MYT1L: variants seen among roughly 807,000 people sequenced by gnomAD.
MYT1L encodes the protein myelin transcription factor 1-like protein.
A neutral mutation model predicts 126.7 loss-of-function variants in MYT1L; 12 were observed. The observed-to-expected ratio is 0.09, with a 90% CI of 0.06 to 0.15. The LOEUF (loss-of-function observed/expected upper bound fraction) is 0.15. Among genes scored for constraint, MYT1L ranks in the 10% least tolerant of loss-of-function variants. The probability of loss-of-function intolerance (pLI) is 1.00; values close to 1 mark genes in which losing one functional copy is unlikely to be tolerated. For missense variants in MYT1L, 979 were observed against 1,585.2 expected (o/e 0.62, Z 6.49); for synonymous variants, 541 against 604.2 (o/e 0.90, Z 1.53).
At chr2:1,933,602 G>T (rs956512248) in intron 9 of MYT1L, among the ~76,000 whole-genome samples, 3 of 152,238 alleles carry the variant, frequency 2.0e-5, no homozygotes, top group African/African-American at 7.2e-5. Context: ...ACAGATCACA[G>T]GAGACTGTGG....
In MYT1L at chr2:2,122,196, A is replaced by G. The variant is rs546095757; in HGVS notation, c.-304+50676T>C. On this transcript the variant is annotated intron_variant, in intron 3 of 24. Transcript: ENST00000647738. The stretch of plus-strand genomic sequence containing the variant: ...CTTTAAGAGTGTGGGCACCGGCTCC[A>G]GACTGTCTGGCTTGGAGTCTGAGTG... Among the ~76,000 whole-genome samples, 4 of 152,316 alleles carry G rather than the reference A, an allele frequency of 2.6e-5. No individual in the cohort carries two copies. In the South Asian group the frequency reaches 8.3e-4, roughly 32 times the overall value.
At chr2:1,828,913 C>T (rs1447275598) in intron 21 of MYT1L, among the ~76,000 whole-genome samples, 1 of 152,184 alleles carries the variant, frequency 6.6e-6, no homozygotes, top group Non-Finnish European at 1.5e-5. Context: ...TCTAAAAATA[C>T]TTGTTTTTCA....
chr2:1,789,958 T>C lies in MYT1L; in HGVS notation c.*1909A>G, dbSNP rs1193282831. 1.3e-5 allele frequency: 2 copies of C among 152,234 alleles called. No homozygotes were observed. The highest frequency in any genetic ancestry group is 4.8e-5 in the African/African-American group (2 of 41,458). 9.4% of individuals were successfully genotyped at this position (152,234 alleles called of 1,614,324 possible). On this transcript the variant is annotated 3_prime_UTR_variant, in exon 25 of 25. Transcript: ENST00000647738. ...GTATAAAGTGCCGCTGGGATATACATATATTTATACACATATATATATACC... is the reference window on the plus strand; with the variant it reads ...GTATAAAGTGCCGCTGGGATATACACATATTTATACACATATATATATACC...
chr2:2,215,469 A>T (rs2093650840), intron 2 of MYT1L, among the ~76,000 whole-genome samples: 1 of 152,232 alleles, frequency 6.6e-6, no homozygotes, highest in Admixed American at 6.5e-5. Context: ...TAAAACAATA[A>T]ATTAATCAAA....
At chr2:2,087,903 T>C (rs1377220116) in intron 3 of MYT1L, among the ~76,000 whole-genome samples, 1 of 152,222 alleles carries the variant, frequency 6.6e-6, no homozygotes, top group Non-Finnish European at 1.5e-5. Flanking sequence ...CCACACGTGG[T>C]CTACTGGGGC....
At chr2:2,068,106 C>A (rs901728572) in intron 3 of MYT1L, among the ~76,000 whole-genome samples, 7 of 151,998 alleles carry the variant, frequency 4.6e-5, no homozygotes, top group African/African-American at 1.7e-4. Flanking sequence ...CGTGAAAGAA[C>A]CTGAGGAATC....
intron 3 of MYT1L, among the ~76,000 whole-genome samples, chr2:2,130,503 C>G (rs1216993811): frequency 6.6e-6 from 1 of 151,972 alleles, no homozygotes; most frequent in Non-Finnish European, 1.5e-5. Context: ...GCAGTGGTCT[C>G]GAGTGGAAAA....
chr2:2,194,463 A>T (rs965658049), intron 2 of MYT1L, among the ~76,000 whole-genome samples: 1 of 152,210 alleles, frequency 6.6e-6, no homozygotes, highest in Non-Finnish European at 1.5e-5. Flanking sequence ...GTATAGCTAT[A>T]TTCCTTTAGA....
chr2:2,060,664 TCCCTCCCCTCCCCTC>T (rs532978653), intron 3 of MYT1L, among the ~76,000 whole-genome samples: 1 of 135,098 alleles, frequency 7.4e-6, no homozygotes, highest in Admixed American at 7.4e-5. Context: ...TCTCCCTGTC[TCCCTCCCCTCCCCTC>T]CCCTCCCCTC....
At chr2:2,025,372 T>C (rs1311137231) in intron 4 of MYT1L, among the ~76,000 whole-genome samples, 1 of 152,248 alleles carries the variant, frequency 6.6e-6, no homozygotes, top group Non-Finnish European at 1.5e-5. Flanking sequence ...TTTATCAGTC[T>C]ACAGGGTCCT....
chr2:1,859,460 C>G (rs561602438), intron 18 of MYT1L, among the ~76,000 whole-genome samples: 2 of 152,170 alleles, frequency 1.3e-5, no homozygotes, highest in African/African-American at 4.8e-5. Flanking sequence ...TTGCTCAGAA[C>G]GTGCAAGGGT....
At chr2:2,272,782 C>T (rs2095288659) in intron 2 of MYT1L, among the ~76,000 whole-genome samples, 1 of 152,186 alleles carries the variant, frequency 6.6e-6, no homozygotes, top group Non-Finnish European at 1.5e-5. Flanking sequence ...ATGGCACTTT[C>T]ATTCCATTGG....
At chr2:1,850,104 C>T (rs957183020) in intron 19 of MYT1L, among the ~76,000 whole-genome samples, 1 of 151,692 alleles carries the variant, frequency 6.6e-6, no homozygotes, top group Non-Finnish European at 1.5e-5. Context: ...CTCTCTCCTT[C>T]CCTTCCCTCG....
chr2:2,086,739 G>T (rs78026978), intron 3 of MYT1L, among the ~76,000 whole-genome samples: 4,172 of 152,116 alleles, frequency 0.027, 84 homozygotes, highest in South Asian at 0.088. Flanking sequence ...TCACACAAAG[G>T]GCTTGTTTAC....
intron 4 of MYT1L, among the ~76,000 whole-genome samples, chr2:2,013,541 A>C (rs1281209688): frequency 2.0e-5 from 3 of 152,212 alleles, no homozygotes; most frequent in African/African-American, 7.2e-5. Flanking sequence ...TGAGGGCACA[A>C]GGGCTCAGAT....
At chr2:2,257,053 C>T (rs2094832493) in intron 2 of MYT1L, among the ~76,000 whole-genome samples, 1 of 152,146 alleles carries the variant, frequency 6.6e-6, no homozygotes, top group Non-Finnish European at 1.5e-5. Flanking sequence ...CTATGCATTC[C>T]TGTGCCCCAC....
intron 4 of MYT1L, among the ~76,000 whole-genome samples, chr2:2,027,255 C>T (rs1460482301): frequency 6.6e-6 from 1 of 152,136 alleles, no homozygotes; most frequent in Non-Finnish European, 1.5e-5. Context: ...AGAGCACCCT[C>T]CCGGCTGGTG....
intron 3 of MYT1L, among the ~76,000 whole-genome samples, chr2:2,112,546 C>G (rs1305978034): frequency 6.6e-6 from 1 of 152,164 alleles, no homozygotes; most frequent in Non-Finnish European, 1.5e-5. Flanking sequence ...ACGTGGTGAC[C>G]TGGTCCCAGG....
intron 21 of MYT1L, among the ~76,000 whole-genome samples, chr2:1,819,645 A>G (rs1441638839): frequency 4.6e-5 from 7 of 152,214 alleles, no homozygotes; most frequent in Non-Finnish European, 1.0e-4. Flanking sequence ...GTGAATACAC[A>G]TGCCCTACAG....
Sources: gnomAD v4.1 joint callset for allele counts (sites outside exome capture counted in the v4.1 genomes callset) on GRCh38, gnomAD v4.1.1 for gene constraint, MANE v1.5 for transcripts, NCBI Gene and HGNC (gene_info 2026-07-23, HGNC 2026-07-21) for gene names.